The following ANKFN1 variants were observed in gnomAD, a reference collection of about 807,000 sequenced individuals.
ANKFN1 encodes the protein ankyrin repeat and fibronectin type-III domain-containing protein 1.
ANKFN1 carries 74 observed loss-of-function variants against 108.7 expected under a neutral mutation model. That is an observed-to-expected ratio of 0.68 (90% confidence interval 0.56 to 0.83). ANKFN1 has a LOEUF of 0.83. Among genes scored for constraint, ANKFN1 ranks in the 40% least tolerant of loss-of-function variants. The probability of loss-of-function intolerance (pLI) is 0.00; values close to 1 mark genes in which losing one functional copy is unlikely to be tolerated. For synonymous variants in ANKFN1, 547 were observed against 516.2 expected, an observed-to-expected ratio of 1.06 and a Z score of -0.81; for missense variants, 1,505 against 1,382.3, an observed-to-expected ratio of 1.09 and a Z score of -1.41.
chr17:56,067,642 T>C (rs939225160), intron 4 of ANKFN1, among the ~76,000 whole-genome samples: 1 of 152,234 alleles, frequency 6.6e-6, no homozygotes, highest in Non-Finnish European at 1.5e-5. Context: ...TCAAGAGGAA[T>C]GTTACCTTTT....
chr17:56,366,218 TG>T (rs2046657618), intron 6 of ANKFN1, among the ~76,000 whole-genome samples: 1 of 152,348 alleles, frequency 6.6e-6, no homozygotes, highest in Non-Finnish European at 1.5e-5. Flanking sequence ...AAAATATTTT[TG>T]TACAGTGGTA....
intron 6 of ANKFN1, among the ~76,000 whole-genome samples, chr17:56,364,853 A>G (rs1356354426): frequency 6.6e-6 from 1 of 152,226 alleles, no homozygotes; most frequent in Non-Finnish European, 1.5e-5. Flanking sequence ...TGAAACATTT[A>G]ATCTCCAGAT....
chr17:56,054,232 A>G lies in ANKFN1; in HGVS notation c.288+7907A>G, dbSNP rs114295527. On this transcript the variant is annotated intron_variant, in intron 4 of 12. Transcript: ENST00000635860. ...AATCCCACTACTGGGTATGTACCCA[A>G]AGGAAAATAATTCATTATATGAAAA... Among the ~76,000 whole-genome samples, 211 of 152,344 alleles carry G rather than the reference A, an allele frequency of 1.4e-3. 1 individual carries two copies. Among genetic ancestry groups the G allele is most frequent in the African/African-American group, 4.9e-3 (205 of 41,592 alleles).
At chr17:56,386,452 C>T (rs1212119496) in intron 8 of ANKFN1, among the ~76,000 whole-genome samples, 1 of 150,356 alleles carries the variant, frequency 6.7e-6, no homozygotes, top group Non-Finnish European at 1.5e-5. Context: ...GCACATGTAC[C>T]CTAAAACTTA....
chr17:56,271,556 G>A (rs572202690), intron 3 of ANKFN1, among the ~76,000 whole-genome samples: 2 of 152,304 alleles, frequency 1.3e-5, no homozygotes, highest in African/African-American at 4.8e-5. Flanking sequence ...AGACCTAGAA[G>A]AACCCCATTT....
At chr17:56,341,367 A>C (rs2045954024) in intron 4 of ANKFN1, among the ~76,000 whole-genome samples, 1 of 152,056 alleles carries the variant, frequency 6.6e-6, no homozygotes, top group African/African-American at 2.4e-5. Flanking sequence ...GGGAGAGGAC[A>C]TCCTTGTTTT....
At chr17:56,420,683 C>CTTTTTTTTTTTTTTT (rs755355387) in intron 8 of ANKFN1, among the ~76,000 whole-genome samples, 3 of 119,564 alleles carry the variant, frequency 2.5e-5, no homozygotes, top group Non-Finnish European at 3.5e-5. Context: ...CTGACTCCTT[C>CTTTTTTTTTTTTTTT]TTTTTTTTTT....
intron 4 of ANKFN1, among the ~76,000 whole-genome samples, chr17:56,063,924 G>T (rs1340770966): frequency 6.6e-6 from 1 of 152,046 alleles, no homozygotes; most frequent in Non-Finnish European, 1.5e-5. Flanking sequence ...AGAGATTTGT[G>T]GGTGATTTTG....
chr17:56,410,647 C>T (rs1470665540), intron 8 of ANKFN1, among the ~76,000 whole-genome samples: 2 of 152,118 alleles, frequency 1.3e-5, no homozygotes, highest in Non-Finnish European at 2.9e-5. Context: ...ACCAGTCTCA[C>T]CAAAGCTTTG....
At chr17:56,403,919 A>G (rs1331111855) in intron 8 of ANKFN1, among the ~76,000 whole-genome samples, 4 of 152,020 alleles carry the variant, frequency 2.6e-5, no homozygotes, top group Non-Finnish European at 5.9e-5. Flanking sequence ...TCCTTCATAT[A>G]TGATGCTTAG....
At chr17:56,246,503 G>A (rs982066505) in intron 3 of ANKFN1, among the ~76,000 whole-genome samples, 7 of 152,058 alleles carry the variant, frequency 4.6e-5, no homozygotes, top group Non-Finnish European at 8.8e-5. Flanking sequence ...TTGGTTTCTA[G>A]CCTTTTCTTA....
chr17:56,258,282 C>T (rs1181309765), intron 3 of ANKFN1: 1 of 152,108 alleles, frequency 6.6e-6, no homozygotes, highest in African/African-American at 2.4e-5. Context: ...AAATGTTCGC[C>T]CTCTACTCTA....
intron 4 of ANKFN1, among the ~76,000 whole-genome samples, chr17:56,343,360 T>A (rs2046009992): frequency 6.6e-6 from 1 of 151,982 alleles, no homozygotes; most frequent in African/African-American, 2.4e-5. Context: ...AAATGTAGTT[T>A]TGTTGGGTAG....
chr17:56,446,320 C>T (rs1423699205), intron 10 of ANKFN1, among the ~76,000 whole-genome samples: 2 of 152,138 alleles, frequency 1.3e-5, no homozygotes, highest in African/African-American at 4.8e-5. Flanking sequence ...CACAACCTTG[C>T]TTATCTTATC....
intron 1 of ANKFN1, among the ~76,000 whole-genome samples, chr17:56,159,083 A>AGAGGAGGAG (rs903949654): frequency 6.7e-6 from 1 of 148,832 alleles, no homozygotes; most frequent in Non-Finnish European, 1.5e-5. Context: ...AAGAAGAGGA[A>AGAGGAGGAG]GAGGAGGAGG....
chr17:56,411,689 T>C (rs927090425), intron 8 of ANKFN1, among the ~76,000 whole-genome samples: 1 of 152,216 alleles, frequency 6.6e-6, no homozygotes, highest in African/African-American at 2.4e-5. Flanking sequence ...GGAGACTTTT[T>C]ATCATGAAAA....
intron 4 of ANKFN1, among the ~76,000 whole-genome samples, chr17:56,141,923 CTTTTTTTT>C: frequency 1.0e-5 from 1 of 95,670 alleles, no homozygotes; most frequent in East Asian, 2.9e-4. Context: ...CGATGGTGTA[CTTTTTTTT>C]TTTTTTTTTT....
chr17:56,163,882 C>T lies in ANKFN1; in HGVS notation c.-71+10352C>T, dbSNP rs565507339. Among the ~76,000 whole-genome samples the T allele has an allele frequency of 8.5e-5, 13 of 152,240 alleles. No individual in the cohort carries two copies. The East Asian group carries it at 1.5e-3, about 18-fold the overall frequency. ...CTATGAGGGAGAAAGCATCTAGACA[C>T]GCAGAACAGTTTTGGTTTATTACTC... is the stretch of plus-strand genomic sequence containing the variant. On this transcript the variant is annotated intron_variant, in intron 1 of 20. Coordinates refer to ENST00000682825, the MANE Select transcript of ANKFN1 (RefSeq NM_001370326.1).
At chr17:56,300,948 A>T (rs1265682901) in intron 3 of ANKFN1, among the ~76,000 whole-genome samples, 1 of 152,254 alleles carries the variant, frequency 6.6e-6, no homozygotes, top group Admixed American at 6.5e-5. Flanking sequence ...GTCTAAGAGA[A>T]CTGTAGCCAC....
Sources: allele counts gnomAD v4.1 joint callset (sites outside exome capture counted in the v4.1 genomes callset), GRCh38; gene constraint gnomAD v4.1.1; transcripts MANE v1.5; gene names NCBI Gene and HGNC (gene_info 2026-07-23, HGNC 2026-07-21).